The following TENM2 variants were observed in gnomAD, a reference collection of about 807,000 sequenced individuals.
TENM2 encodes the protein teneurin transmembrane protein 2.
A neutral mutation model predicts 245.2 loss-of-function variants in TENM2; 52 were observed. That is an observed-to-expected ratio of 0.21 (90% CI 0.17 to 0.27). The LOEUF (loss-of-function observed/expected upper bound fraction) is 0.27. Among genes scored for constraint, TENM2 ranks in the 10% least tolerant of loss-of-function variants. TENM2 has a pLI of 1.00. For synonymous variants in TENM2, 1,363 were observed against 1,438.9 expected (o/e 0.95, Z 1.19); for missense variants, 3,046 against 3,666.8 (o/e 0.83, Z 4.37).
intron 7 of TENM2, among the ~76,000 whole-genome samples, chr5:168,080,594 G>C (rs1008690322): frequency 1.3e-5 from 2 of 151,882 alleles, no homozygotes; most frequent in African/African-American, 4.8e-5. Flanking sequence ...CTCTACACAC[G>C]GTTTTAAGTG....
chr5:168,190,522 C>T (rs778362854), exon 14 of TENM2: 1 of 1,613,952 alleles, frequency 6.2e-7, no homozygotes, highest in Non-Finnish European at 8.5e-7. Flanking sequence ...CCACATCATT[C>T]CTGGAGAGAA....
At chr5:168,202,205 C>T (rs1761997308) in intron 17 of TENM2, among the ~76,000 whole-genome samples, 1 of 152,100 alleles carries the variant, frequency 6.6e-6, no homozygotes, top group Admixed American at 6.5e-5. Flanking sequence ...ATGCTTTCTC[C>T]TTAACTACTT....
chr5:167,655,590 CT>C, intron 2 of TENM2, among the ~76,000 whole-genome samples: 1 of 152,338 alleles, frequency 6.6e-6, no homozygotes. Flanking sequence ...TATCATGACA[CT>C]TTGCTGTATC....
intron 26 of TENM2, among the ~76,000 whole-genome samples, chr5:168,246,123 C>T (rs1766541253): frequency 6.6e-6 from 1 of 151,514 alleles, no homozygotes; most frequent in Non-Finnish European, 1.5e-5. Context: ...ATTCCAGCTA[C>T]TTGGGAGGCT....
intron 2 of TENM2, among the ~76,000 whole-genome samples, chr5:167,744,845 A>C (rs1393460683): frequency 1.3e-5 from 2 of 152,156 alleles, no homozygotes; most frequent in Non-Finnish European, 2.9e-5. Context: ...AAAACAAAAC[A>C]AAAAAACCGT....
intron 9 of TENM2, among the ~76,000 whole-genome samples, chr5:168,117,783 C>T (rs1287085706): frequency 1.3e-5 from 2 of 152,134 alleles, no homozygotes; most frequent in Admixed American, 6.5e-5. Flanking sequence ...GAATAAGAGT[C>T]GACTGATCTG....
chr5:167,296,750 A>G (rs1754970314), intron 1 of TENM2, among the ~76,000 whole-genome samples: 1 of 152,124 alleles, frequency 6.6e-6, no homozygotes, highest in African/African-American at 2.4e-5. Context: ...TAATGCTTGC[A>G]CTCTGACTCC....
intron 3 of TENM2, among the ~76,000 whole-genome samples, chr5:167,933,075 G>A (rs900932173): frequency 1.4e-4 from 21 of 152,242 alleles, no homozygotes; most frequent in African/African-American, 3.6e-4. Flanking sequence ...AAAAACCAGC[G>A]AAGTGACAAT....
intron 2 of TENM2, among the ~76,000 whole-genome samples, chr5:167,801,113 T>A (rs942933670): frequency 0.065 from 3,012 of 46,568 alleles, 112 homozygotes; most frequent in East Asian, 0.07. Context: ...AAAAAAAATA[T>A]ATATATATAT....
At chr5:167,491,772 G>A (rs920101655) in intron 2 of TENM2, among the ~76,000 whole-genome samples, 3 of 152,104 alleles carry the variant, frequency 2.0e-5, no homozygotes, top group African/African-American at 4.8e-5. Context: ...CCATTCACCT[G>A]TACATTCATC....
chr5:167,213,866 A>G, the TENM2 span, among the ~76,000 whole-genome samples: 12 of 152,354 alleles, frequency 7.9e-5, no homozygotes, highest in Non-Finnish European at 1.5e-4. Context: ...TGCAATTTGT[A>G]TAAAAATGAC....
intron 14 of TENM2, among the ~76,000 whole-genome samples, chr5:168,194,025 C>T (rs889835519): frequency 6.6e-6 from 1 of 152,102 alleles, no homozygotes; most frequent in East Asian, 1.9e-4. Context: ...AAGAGAGATG[C>T]GTGGAGACAG....
chr5:168,039,849 A>C (rs528945661), intron 5 of TENM2, among the ~76,000 whole-genome samples: 2 of 152,178 alleles, frequency 1.3e-5, no homozygotes, highest in African/African-American at 4.8e-5. Context: ...TCGCAGTGTC[A>C]ACAGCACCCA....
intron 19 of TENM2, among the ~76,000 whole-genome samples, 164 bp downstream of exon 21, chr5:168,204,785 G>A (rs915324715): frequency 2.0e-5 from 3 of 152,194 alleles, no homozygotes; most frequent in Admixed American, 1.3e-4. Flanking sequence ...AAAATGCTTT[G>A]TGTATCTGTG....
At chr5:167,106,874 T>C in the TENM2 span, among the ~76,000 whole-genome samples, 2 of 152,014 alleles carry the variant, frequency 1.3e-5, no homozygotes, top group African/African-American at 4.8e-5. Flanking sequence ...CTGGCAAGAA[T>C]TGCAGGGTTG....
chr5:168,162,481 C>T, intron 12 of TENM2, 130 bp from the exon 15 acceptor site: 1 of 902,102 alleles, frequency 1.1e-6, no homozygotes, highest in Admixed American at 2.7e-5. Context: ...CTGTGGAAGG[C>T]AGGCGCGGGC....
intron 2 of TENM2, among the ~76,000 whole-genome samples, chr5:167,635,736 C>G (rs1445418500): frequency 1.3e-5 from 2 of 149,784 alleles, no homozygotes; most frequent in Non-Finnish European, 2.9e-5. Context: ...GCTCCGCCTC[C>G]CGGGTTCACG....
chr5:167,087,646 G>A, the TENM2 span, among the ~76,000 whole-genome samples: 21 of 152,090 alleles, frequency 1.4e-4, no homozygotes, highest in Admixed American at 1.0e-3. Context: ...CGTGATTCAC[G>A]GAGCTTAGAA....
At chr5:167,854,902 C>G (rs1352792520) in intron 2 of TENM2, among the ~76,000 whole-genome samples, 1 of 152,124 alleles carries the variant, frequency 6.6e-6, no homozygotes, top group African/African-American at 2.4e-5. Flanking sequence ...CAAGACTCAC[C>G]CCCACTCATC....
Sources: allele counts gnomAD v4.1 joint callset (sites outside exome capture counted in the v4.1 genomes callset), GRCh38; gene constraint gnomAD v4.1.1; transcripts MANE v1.5; gene names NCBI Gene and HGNC (gene_info 2026-07-23, HGNC 2026-07-21).